Variants in COLEC12 observed in about 807,000 individuals in gnomAD.
The protein encoded by COLEC12 is collectin-12.
Under a neutral mutation model 71.1 loss-of-function variants are expected in COLEC12, and 33 were observed. The observed-to-expected ratio is 0.46, with a 90% CI of 0.35 to 0.62. The LOEUF is 0.62. Ranked by LOEUF, COLEC12 falls within the 20% of genes least tolerant of loss-of-function variation. COLEC12 has a pLI of 0.00. For synonymous variants in COLEC12, 350 were observed against 353.0 expected (o/e 0.99, Z 0.10); for missense variants, 765 against 916.1 (o/e 0.84, Z 2.13).
chr18:463,117 T>G (rs1201624512), intron 2 of COLEC12, among the ~76,000 whole-genome samples: 1 of 152,172 alleles, frequency 6.6e-6, no homozygotes, highest in African/African-American at 2.4e-5. Flanking sequence ...CCCACTGGCC[T>G]CCTCCTTAGG....
At chr18:373,736 C>G (rs375808355) in intron 2 of COLEC12, among the ~76,000 whole-genome samples, 59 of 152,204 alleles carry the variant, frequency 3.9e-4, no homozygotes, top group African/African-American at 1.3e-3. Flanking sequence ...CCACCTCCCC[C>G]CAAGAATTCT....
chr18:486,775 A>G (rs1044075814), intron 1 of COLEC12, among the ~76,000 whole-genome samples: 4 of 152,242 alleles, frequency 2.6e-5, no homozygotes, highest in Admixed American at 6.5e-5. Flanking sequence ...CTGTTGGAAC[A>G]TAAGTTTAAG....
intron 2 of COLEC12, among the ~76,000 whole-genome samples, chr18:448,150 T>C (rs1474694979): frequency 6.6e-6 from 1 of 152,270 alleles, no homozygotes; most frequent in Non-Finnish European, 1.5e-5. Context: ...AGTGCCTTTG[T>C]GTCTCTCTTG....
intron 2 of COLEC12, among the ~76,000 whole-genome samples, chr18:398,382 G>C (rs568181422): frequency 2.0e-5 from 3 of 152,346 alleles, no homozygotes; most frequent in African/African-American, 7.2e-5. Context: ...CAAGATGAAA[G>C]GAACCAGCAG....
chr18:498,431 C>T (rs976383643), intron 1 of COLEC12, among the ~76,000 whole-genome samples: 2 of 148,770 alleles, frequency 1.3e-5, no homozygotes, highest in Non-Finnish European at 3.0e-5. Context: ...TCGATCTCGG[C>T]TCACTGCAAC....
intron 3 of COLEC12, among the ~76,000 whole-genome samples, chr18:350,990 T>A (rs1004810332): frequency 7.7e-4 from 114 of 147,636 alleles, no homozygotes; most frequent in African/African-American, 2.7e-3. Flanking sequence ...CTTCAAAAAA[T>A]GAGAACATGC....
intron 2 of COLEC12, among the ~76,000 whole-genome samples, chr18:433,657 A>G (rs968455803): frequency 1.3e-5 from 2 of 152,192 alleles, no homozygotes; most frequent in South Asian, 2.1e-4. Flanking sequence ...TCCTGAATCC[A>G]GAGTCTGCCC....
At chr18:468,311 T>C (rs1917127949) in intron 2 of COLEC12, among the ~76,000 whole-genome samples, 1 of 151,532 alleles carries the variant, frequency 6.6e-6, no homozygotes. Flanking sequence ...TTCTTGAACC[T>C]TGAATCACAT....
chr18:420,599 A>G (rs1245393458), intron 2 of COLEC12, among the ~76,000 whole-genome samples: 2 of 152,210 alleles, frequency 1.3e-5, no homozygotes, highest in African/African-American at 4.8e-5. Context: ...TAAACGCCTG[A>G]CTGGACAGTA....
chr18:382,210 T>C (rs984849172), intron 2 of COLEC12, among the ~76,000 whole-genome samples: 1 of 152,240 alleles, frequency 6.6e-6, no homozygotes, highest in Non-Finnish European at 1.5e-5. Flanking sequence ...AAACTGTGTC[T>C]TTAAATTATC....
intron 1 of COLEC12, among the ~76,000 whole-genome samples, chr18:486,747 G>A (rs989151417): frequency 6.6e-6 from 1 of 152,184 alleles, no homozygotes; most frequent in Non-Finnish European, 1.5e-5. Flanking sequence ...GAATAAAGGT[G>A]AGGCTAAAAT....
At chr18:438,593 C>A (rs1192299314) in intron 2 of COLEC12, among the ~76,000 whole-genome samples, 3 of 152,068 alleles carry the variant, frequency 2.0e-5, no homozygotes, top group Non-Finnish European at 4.4e-5. Context: ...CAGGAGATCA[C>A]TTGAGGCCAG....
intron 2 of COLEC12, among the ~76,000 whole-genome samples, chr18:421,195 A>G (rs1916091449): frequency 6.6e-6 from 1 of 152,256 alleles, no homozygotes; most frequent in Non-Finnish European, 1.5e-5. Flanking sequence ...GAAAAACAAG[A>G]TGAATGCAAT....
intron 2 of COLEC12, among the ~76,000 whole-genome samples, chr18:459,101 C>T (rs1306411859): frequency 6.6e-6 from 1 of 152,198 alleles, no homozygotes; most frequent in Admixed American, 6.5e-5. Flanking sequence ...TATCCTCCCT[C>T]CTTGGCCTCT....
At chr18:434,558 C>T (rs1916367311) in intron 2 of COLEC12, among the ~76,000 whole-genome samples, 1 of 152,214 alleles carries the variant, frequency 6.6e-6, no homozygotes. Context: ...CTCTTGGCCA[C>T]TCTTCCTTCT....
intron 1 of COLEC12, among the ~76,000 whole-genome samples, chr18:481,060 A>G (rs765833692): frequency 3.3e-5 from 5 of 151,942 alleles, no homozygotes; most frequent in Non-Finnish European, 7.4e-5. Flanking sequence ...CACTAATTCA[A>G]TGTTTCTCTC....
chr18:352,322 T>G (rs1357208817), intron 3 of COLEC12, among the ~76,000 whole-genome samples: 4 of 152,206 alleles, frequency 2.6e-5, no homozygotes. Flanking sequence ...TCAAACCACA[T>G]GCAGGATCTC....
intron 3 of COLEC12, among the ~76,000 whole-genome samples, chr18:350,959 CAAA>C (rs71174228): frequency 2.6e-4 from 17 of 66,358 alleles, no homozygotes; most frequent in Admixed American, 6.8e-4. Flanking sequence ...GACTCTGTCT[CAAA>C]AAAAAAAAAA....
At chr18:352,554 A>AAGTGCT (rs1914546585) in intron 3 of COLEC12, among the ~76,000 whole-genome samples, 1 of 152,226 alleles carries the variant, frequency 6.6e-6, no homozygotes, top group Non-Finnish European at 1.5e-5. Context: ...CTGTGCAGCA[A>AAGTGCT]AAGGAAACTA....
Sources: allele counts gnomAD v4.1 joint callset (sites outside exome capture counted in the v4.1 genomes callset), GRCh38; gene constraint gnomAD v4.1.1; transcripts MANE v1.5; gene names NCBI Gene and HGNC (gene_info 2026-07-23, HGNC 2026-07-21).